Variants in SCUBE3 observed in about 807,000 individuals in gnomAD.
SCUBE3 encodes the protein signal peptide, CUB and EGF-like domain-containing protein 3.
Under a neutral mutation model 116.8 loss-of-function variants are expected in SCUBE3, and 33 were observed. That is an observed-to-expected ratio of 0.28 (90% CI 0.21 to 0.38). SCUBE3 has a LOEUF of 0.38. Ranked by LOEUF, SCUBE3 falls within the 10% of genes least tolerant of loss-of-function variation. SCUBE3 has a pLI of 1.00. For missense variants in SCUBE3, 1,007 were observed against 1,324.8 expected, an observed-to-expected ratio of 0.76 and a Z score of 3.72; for synonymous variants, 418 against 496.9, an observed-to-expected ratio of 0.84 and a Z score of 2.11.
At chr6:35,223,453 G>T (rs1377174841) in intron 1 of SCUBE3, 1 of 152,160 alleles carries the variant, frequency 6.6e-6, no homozygotes, top group East Asian at 1.9e-4. Flanking sequence ...ACTCTGTCAT[G>T]TGGCTGCCCT....
In SCUBE3 at chr6:35,244,792, C is replaced by A; in HGVS notation, c.2382C>A (p.Thr794=). 6.2e-7 allele frequency: 1 copy of A among 1,614,182 alleles called. No homozygotes were observed. Among genetic ancestry groups the A allele is most frequent in the Non-Finnish European group, 8.5e-7 (1 of 1,180,024 alleles). ...GNTSTDFDGS[T]SVAQCKNRQC... is the part of the protein sequence containing the mutation. ...CAAGCACAGACTTTGATGGCTCTACCAGTGTGGCCCAATGCAAGAGTACGT... is the reference window on the plus strand; with the variant it reads ...CAAGCACAGACTTTGATGGCTCTACAAGTGTGGCCCAATGCAAGAGTACGT... Residue 794 remains threonine, a synonymous_variant, in exon 18 of 22, where the codon ACC becomes ACA. Transcript: ENST00000274938. This position sits in a 1 kb window ranked among gnomAD's most constrained non-coding sequence, Gnocchi z 4.3.
chr6:35,224,118 G>A (rs1351772228), intron 1 of SCUBE3: 1 of 152,230 alleles, frequency 6.6e-6, no homozygotes, highest in Non-Finnish European at 1.5e-5. Flanking sequence ...AGTGTGGCTG[G>A]AAGAGAAAAA....
rs1387773885 is a variant in SCUBE3, at chr6:35,245,807, T to C, written c.2600-137T>C. 7 of 872,646 alleles carry C rather than the reference T, an allele frequency of 8.0e-6. No individual in the cohort carries two copies. Among genetic ancestry groups the C allele is most frequent in the Non-Finnish European group, 1.3e-5 (7 of 551,518 alleles). The allele number at this position is 872,646 out of a possible 1,614,324, so 54.1% of individuals were successfully genotyped here. ...ATGGGAGAGGGTGTGGGGTAGGGTG[T>C]GTGTATGCGAAGGGGGAGCCTTTGT... is the stretch of plus-strand genomic sequence containing the variant. On this transcript the variant is annotated intron_variant, in intron 19 of 21. Coordinates refer to ENST00000274938, the MANE Select transcript of SCUBE3 (RefSeq NM_152753.4). This position sits in a 1 kb window ranked among gnomAD's most constrained non-coding sequence, Gnocchi z 4.2.
chr6:35,248,514 C>G lies in SCUBE3; in HGVS notation c.2833-42C>G, dbSNP rs757973538. On this transcript the variant is annotated intron_variant, in intron 21 of 21. Coordinates refer to ENST00000274938, the MANE Select transcript of SCUBE3 (RefSeq NM_152753.4). Reference sequence around the variant, plus strand: ...AGTCATGGTGTTTCTCTTTCCCACCCCCGACGGTGAGGCTGACATTGCTCC... The same window carrying G: ...AGTCATGGTGTTTCTCTTTCCCACCGCCGACGGTGAGGCTGACATTGCTCC... The G allele has an allele frequency of 2.5e-6, 4 of 1,605,882 alleles. No homozygotes were observed. The South Asian group carries it at 4.4e-5, about 18-fold the overall frequency.
intron 14 of SCUBE3, 84 bp downstream of exon 14, chr6:35,242,864 G>T: frequency 2.6e-6 from 4 of 1,556,106 alleles, no homozygotes; most frequent in Non-Finnish European, 3.5e-6. Flanking sequence ...GCAAAAGGAA[G>T]GGATGGAGCC....
At chr6:35,246,128 T>A in intron 20 of SCUBE3, 32 bp downstream of exon 20, 1 of 1,612,824 alleles carries the variant, frequency 6.2e-7, no homozygotes. Context: ...GAAGGGGAGG[T>A]ATGTCAGTTT....
chr6:35,238,218 G>GC (rs1471385570), intron 7 of SCUBE3, among the ~76,000 whole-genome samples, 200 bp downstream of exon 7: 1 of 152,008 alleles, frequency 6.6e-6, no homozygotes, highest in Non-Finnish European at 1.5e-5. Flanking sequence ...GTTCCTTAGT[G>GC]CCCCCTTCCC....
At position 35,214,641 on chromosome 6, in the gene SCUBE3, C is replaced by A. The variant is rs965388792; in HGVS notation, c.85+138C>A. ...CCCGGCTCTGTGCACCCGGACTCCC[C>A]GGCCAGGGGCCCGACCGCTGGGCGC... On this transcript the variant is annotated intron_variant, in intron 1 of 21. Coordinates refer to ENST00000274938, the MANE Select transcript of SCUBE3 (RefSeq NM_152753.4). This position sits in a 1 kb window ranked among gnomAD's most constrained non-coding sequence, Gnocchi z 6.3. 1 of 487,530 alleles carries A rather than the reference C, an allele frequency of 2.1e-6. No individual in the cohort carries two copies. The allele number at this position is 487,530 out of a possible 1,614,324, so 30.2% of individuals were successfully genotyped here.
Position 35,217,257 on chromosome 6 carries a change from G to GGGGGGGGGGA in SCUBE3, c.85+2761_85+2762insGGAGGGGGGG, listed in dbSNP as rs1782955248. Among the ~76,000 whole-genome samples, 2 of 75,804 alleles carry GGGGGGGGGGA rather than the reference G, an allele frequency of 2.6e-5. 1 individual carries two copies. The highest frequency in any genetic ancestry group is 2.4e-4 in the Admixed American group (2 of 8,230). The allele number at this position is 75,804 out of a possible 152,430, so 49.7% of individuals were successfully genotyped here. A position where few individuals can be genotyped will look rare whatever the true frequency, so the allele number is the denominator to read the frequency against. On this transcript the variant is annotated intron_variant, in intron 1 of 21. Transcript: ENST00000274938. ...GGGGGCGGGGGGGAGGCGCGGCGGG[G>GGGGGGGGGGA]GGGGGGGTGTGTGCAGCAGTGGTTA...
In SCUBE3 at chr6:35,239,605, GAGAA is replaced by G. The variant is rs1315079589; in HGVS notation, c.830-143_830-140del. 1 of 690,398 alleles carries G rather than the reference GAGAA, an allele frequency of 1.4e-6. No homozygotes were observed. Among genetic ancestry groups the G allele is most frequent in the African/African-American group, 1.9e-5 (1 of 53,766 alleles). 42.8% of individuals were successfully genotyped at this position (690,398 alleles called of 1,614,324 possible). On this transcript the variant is annotated intron_variant, in intron 7 of 21. Coordinates refer to ENST00000274938, the MANE Select transcript of SCUBE3 (RefSeq NM_152753.4). The surrounding 1 kb of genome is among the most constrained non-coding windows in gnomAD (Gnocchi z 4.1). ...GAGAGAGAGAGACAGGAAAGAGAAA[GAGAA>G]AGAGACAGAGAGAGATCAAGAAGAG...
chr6:35,240,294 C>T lies in SCUBE3; in HGVS notation c.953-80C>T. The stretch of plus-strand genomic sequence containing the variant: ...TTCAGTTCAAGGGGGAAAGCCAAGG[C>T]CCCTCACTTGGGTCCTTCACCTGAG... On this transcript the variant is annotated intron_variant, in intron 8 of 21. Transcript: ENST00000274938. The surrounding 1 kb of genome is among the most constrained non-coding windows in gnomAD (Gnocchi z 4.6). 1 of 731,994 alleles carries T rather than the reference C, an allele frequency of 1.4e-6. No homozygotes were observed. Among genetic ancestry groups the T allele is most frequent in the Admixed American group, 2.6e-5 (1 of 39,086 alleles). 45.3% of individuals were successfully genotyped at this position (731,994 alleles called of 1,614,324 possible).
Position 35,228,489 on chromosome 6 carries a change from G to A in SCUBE3, c.209-125G>A. The stretch of plus-strand genomic sequence containing the variant: ...CATGACTTAGGTTTAAATGAAAACA[G>A]AAAAATGCTAAATGGCTTATAGGCC... On this transcript the variant is annotated intron_variant, in intron 2 of 21. Coordinates refer to ENST00000274938, the MANE Select transcript of SCUBE3 (RefSeq NM_152753.4). This position sits in a 1 kb window ranked among gnomAD's most constrained non-coding sequence, Gnocchi z 4.9. The A allele has an allele frequency of 1.1e-6, 1 of 909,348 alleles. No homozygotes were observed. The highest frequency in any genetic ancestry group is 1.6e-6 in the Non-Finnish European group (1 of 626,850). 56.3% of individuals were successfully genotyped at this position (909,348 alleles called of 1,614,324 possible).
Position 35,240,803 on chromosome 6 carries a change from G to A in SCUBE3, c.1069+313G>A, listed in dbSNP as rs1784008122. On this transcript the variant is annotated intron_variant, in intron 9 of 21. Coordinates refer to ENST00000274938, the MANE Select transcript of SCUBE3 (RefSeq NM_152753.4). This position sits in a 1 kb window ranked among gnomAD's most constrained non-coding sequence, Gnocchi z 4.6. Reference sequence around the variant, plus strand: ...AGGCTTTAAAAAGCTTGTTGGCTTGGCCCCTTCTCGATCATTCCTTTGGGG... The same window carrying A: ...AGGCTTTAAAAAGCTTGTTGGCTTGACCCCTTCTCGATCATTCCTTTGGGG... Among the ~76,000 whole-genome samples, 1 of 152,186 alleles carries A rather than the reference G, an allele frequency of 6.6e-6. No individual in the cohort carries two copies. The highest frequency in any genetic ancestry group is 1.5e-5 in the Non-Finnish European group (1 of 68,032).
intron 7 of SCUBE3, among the ~76,000 whole-genome samples, chr6:35,238,945 G>T (rs1783902440): frequency 6.6e-6 from 1 of 152,158 alleles, no homozygotes; most frequent in African/African-American, 2.4e-5. Context: ...GAGGTTTCCT[G>T]CTGGGAAGAA....
chr6:35,242,452 C>T (rs1784114448), intron 13 of SCUBE3, 132 bp downstream of exon 13: 2 of 900,980 alleles, frequency 2.2e-6, no homozygotes, highest in South Asian at 1.5e-5. Flanking sequence ...CAGCTGTAGG[C>T]ATAGCACCCA....
In SCUBE3 at chr6:35,226,479, C is replaced by CTTTTTTTTTTTTT. The variant is rs1562044702; in HGVS notation, c.86-1101_86-1100insTTTTTTTTTTTTT. 3.7e-3 allele frequency among the ~76,000 whole-genome samples: 192 copies of CTTTTTTTTTTTTT among 52,150 alleles called. 4 individuals are homozygous for CTTTTTTTTTTTTT. The highest frequency in any genetic ancestry group is 8.5e-3 in the African/African-American group (156 of 18,300). 34.2% of individuals were successfully genotyped at this position (52,150 alleles called of 152,430 possible). A position where few individuals can be genotyped will look rare whatever the true frequency, so the allele number is the denominator to read the frequency against. On this transcript the variant is annotated intron_variant, in intron 1 of 21. Transcript: ENST00000274938. ...TCAGAAGTTGGACTCTTTTCTATGT[C>CTTTTTTTTTTTTT]CTTTTTTTTTTTTTTTTTTTTTTGA...
In SCUBE3 at chr6:35,239,356, A is replaced by G. The variant is rs1783925705; in HGVS notation, c.830-396A>G. Among the ~76,000 whole-genome samples the G allele has an allele frequency of 2.0e-5, 3 of 150,130 alleles. No homozygotes were observed. On this transcript the variant is annotated intron_variant, in intron 7 of 21. Coordinates refer to ENST00000274938, the MANE Select transcript of SCUBE3 (RefSeq NM_152753.4). This position sits in a 1 kb window ranked among gnomAD's most constrained non-coding sequence, Gnocchi z 4.1. Reference sequence around the variant, plus strand: ...CCCCGTCCTGAGGGACAGGAAAGAGATAACCCTTACCCACCAACCTTTCAG... The same window carrying G: ...CCCCGTCCTGAGGGACAGGAAAGAGGTAACCCTTACCCACCAACCTTTCAG...
intron 1 of SCUBE3, chr6:35,222,641 C>G (rs1170479341): frequency 6.6e-6 from 1 of 152,256 alleles, no homozygotes; most frequent in East Asian, 1.9e-4. Flanking sequence ...TGGGATCTCC[C>G]TAGCCTTCAA....
chr6:35,246,904 A>G (rs568323346), intron 21 of SCUBE3, among the ~76,000 whole-genome samples: 175 of 151,754 alleles, frequency 1.2e-3, no homozygotes, highest in African/African-American at 3.9e-3. Context: ...GCTTGAACTC[A>G]GGAGGCGCAG....
Sources: allele counts gnomAD v4.1 joint callset (sites outside exome capture counted in the v4.1 genomes callset), GRCh38; gene constraint gnomAD v4.1.1; non-coding constraint Gnocchi (gnomAD v3.1); transcripts MANE v1.5; gene names NCBI Gene and HGNC (gene_info 2026-07-23, HGNC 2026-07-21).